Variants in EIF2AK3 observed in about 807,000 individuals in gnomAD.
EIF2AK3 encodes the protein eukaryotic translation initiation factor 2 alpha kinase 3.
A neutral mutation model predicts 113.5 loss-of-function variants in EIF2AK3; 50 were observed. The ratio of observed to expected loss-of-function variants is 0.44; its 90% CI spans 0.35 to 0.56. EIF2AK3 has a LOEUF of 0.56. Among genes scored for constraint, EIF2AK3 ranks in the 20% least tolerant of loss-of-function variants. The pLI is 0.00. For missense variants in EIF2AK3, 1,185 were observed against 1,378.0 expected, an observed-to-expected ratio of 0.86 and a Z score of 2.22; for synonymous variants, 448 against 495.4, an observed-to-expected ratio of 0.90 and a Z score of 1.27.
chr2:88,606,166 A>G (rs2104458234), intron 2 of EIF2AK3, among the ~76,000 whole-genome samples: 1 of 152,320 alleles, frequency 6.6e-6, no homozygotes, highest in East Asian at 1.9e-4. Context: ...CTCAAGGGAA[A>G]CTACCAGACT....
At chr2:88,577,052 C>T (rs531027464) in intron 11 of EIF2AK3, among the ~76,000 whole-genome samples, 5 of 151,366 alleles carry the variant, frequency 3.3e-5, no homozygotes, top group South Asian at 4.2e-4. Context: ...GGCGCAATCT[C>T]GGCTCTCTGC....
intron 14 of EIF2AK3, among the ~76,000 whole-genome samples, chr2:88,568,109 A>T (rs568131095): frequency 6.6e-6 from 1 of 152,220 alleles, no homozygotes; most frequent in Non-Finnish European, 1.5e-5. Flanking sequence ...CACTTGACTA[A>T]GGTAAACAAT....
chr2:88,627,452 T>G lies in EIF2AK3; in HGVS notation c.-178A>C. 4.2e-6 allele frequency: 3 copies of G among 711,042 alleles called. No individual in the cohort carries two copies. The highest frequency in any genetic ancestry group is 6.0e-6 in the Non-Finnish European group (3 of 498,774). The allele number at this position is 711,042 out of a possible 1,614,324, so 44.0% of individuals were successfully genotyped here. Reference sequence around the variant, plus strand: ...CAGCCCGGCCTCTGCCGCTGCCACCTGAGTGACAGCCTATCTCGGACATCG... The same window carrying G: ...CAGCCCGGCCTCTGCCGCTGCCACCGGAGTGACAGCCTATCTCGGACATCG... On this transcript the variant is annotated 5_prime_UTR_variant, in exon 1 of 17. Transcript: ENST00000303236.
chr2:88,613,294 T>A (rs1011614616), intron 2 of EIF2AK3, among the ~76,000 whole-genome samples: 3 of 152,216 alleles, frequency 2.0e-5, no homozygotes, highest in African/African-American at 7.2e-5. Flanking sequence ...AAATTTCAGA[T>A]GAATTCTGCT....
Position 88,572,300 on chromosome 2 carries a change from T to C in EIF2AK3, c.2818-1259A>G, listed in dbSNP as rs183448884. ...CTATAATAGACAAGCTTTTTGGCTC[T>C]CCAGTATCTATCTCCCTGTGCTTCC... On this transcript the variant is annotated intron_variant, in intron 13 of 16. Transcript: ENST00000303236. Among the ~76,000 whole-genome samples, 11 of 152,334 alleles carry C rather than the reference T, an allele frequency of 7.2e-5. No homozygotes were observed. In the East Asian group the frequency reaches 1.7e-3, roughly 24 times the overall value.
intron 13 of EIF2AK3, 134 bp from the exon 14 acceptor site, chr2:88,571,175 GC>G: frequency 9.0e-7 from 1 of 1,115,756 alleles, no homozygotes; most frequent in Non-Finnish European, 1.3e-6. Context: ...TTTAAAATGG[GC>G]TAACAGGAAA....
chr2:88,607,780 A>G (rs1675327658), intron 2 of EIF2AK3, among the ~76,000 whole-genome samples: 2 of 152,212 alleles, frequency 1.3e-5, no homozygotes, highest in Admixed American at 1.3e-4. Context: ...TTTGTTCTTT[A>G]TTTTCAGAAG....
At chr2:88,580,923 A>C (rs1057079481) in intron 10 of EIF2AK3, among the ~76,000 whole-genome samples, 1 of 152,148 alleles carries the variant, frequency 6.6e-6, no homozygotes, top group East Asian at 1.9e-4. Context: ...AGTCTCCCCA[A>C]ATGCAAAAGC....
intron 1 of EIF2AK3, among the ~76,000 whole-genome samples, chr2:88,614,186 T>C (rs911909199): frequency 6.6e-6 from 1 of 152,182 alleles, no homozygotes; most frequent in Non-Finnish European, 1.5e-5. Context: ...TCTTCCCTGA[T>C]CGTTCACTTA....
intron 3 of EIF2AK3, chr2:88,593,819 C>T (rs1674944029): frequency 2.3e-6 from 2 of 854,070 alleles, no homozygotes; most frequent in Non-Finnish European, 2.8e-6. Flanking sequence ...TTTCTGAGAG[C>T]TTTTTGTATT....
chr2:88,590,643 G>C (rs962623274), intron 5 of EIF2AK3, 38 bp from the exon 6 acceptor site: 1 of 1,604,386 alleles, frequency 6.2e-7, no homozygotes, highest in Non-Finnish European at 8.5e-7. Context: ...AATAATTCAA[G>C]CAGTAGTTAT....
At chr2:88,621,505 CAA>C (rs1190703564) in intron 1 of EIF2AK3, among the ~76,000 whole-genome samples, 2 of 152,192 alleles carry the variant, frequency 1.3e-5, no homozygotes, top group African/African-American at 4.8e-5. Flanking sequence ...CGTTATTTCA[CAA>C]AACTATAAAT....
intron 1 of EIF2AK3, among the ~76,000 whole-genome samples, chr2:88,625,216 C>T (rs1675828756): frequency 6.8e-6 from 1 of 147,900 alleles, no homozygotes; most frequent in Admixed American, 6.7e-5. Flanking sequence ...CGGCTCTAAC[C>T]TATTTTTTCT....
Position 88,590,986 on chromosome 2 carries a change from A to G in EIF2AK3, c.834T>C (p.Phe278=), listed in dbSNP as rs750500747. 6.2e-7 allele frequency: 1 copy of G among 1,614,152 alleles called. No homozygotes were observed. The highest frequency in any genetic ancestry group is 1.7e-5 in the Admixed American group (1 of 60,024). The change falls in exon 5 of 17, where the codon TTT becomes TTC. Residue 278 remains phenylalanine, a synonymous_variant. Coordinates refer to ENST00000303236, the MANE Select transcript of EIF2AK3 (RefSeq NM_004836.7). The part of the protein sequence containing the change: ...YIPDMETRAG[F]IESTFKPNEN... ...CATTGGGCTTAAAGGTGCTTTCAATAAATCCGGCTCTCGTTTCCATGTCTG... is the reference window on the plus strand; with the variant it reads ...CATTGGGCTTAAAGGTGCTTTCAATGAATCCGGCTCTCGTTTCCATGTCTG...
chr2:88,570,634 G>C (rs1674279438), intron 14 of EIF2AK3, among the ~76,000 whole-genome samples: 1 of 152,170 alleles, frequency 6.6e-6, no homozygotes, highest in Admixed American at 6.5e-5. Context: ...GCTGTCAGGT[G>C]CTTGTTCAGG....
chr2:88,562,466 CA>C, intron 14 of EIF2AK3, 76 bp from the exon 15 acceptor site: 1 of 1,221,328 alleles, frequency 8.2e-7, no homozygotes, highest in South Asian at 1.2e-5. Flanking sequence ...TATTGAATCC[CA>C]AAGTTTACTT....
At chr2:88,593,030 T>C (rs1377074421) in intron 4 of EIF2AK3, among the ~76,000 whole-genome samples, 1 of 151,994 alleles carries the variant, frequency 6.6e-6, no homozygotes, top group East Asian at 1.9e-4. Flanking sequence ...TAATCCCCGG[T>C]ACTCGGGAGG....
chr2:88,583,537 C>T lies in EIF2AK3; in HGVS notation c.1656G>A (p.Arg552=), dbSNP rs763975741. The T allele has an allele frequency of 2.5e-6, 4 of 1,611,990 alleles. No homozygotes were observed. The highest frequency in any genetic ancestry group is 2.5e-6 in the Non-Finnish European group (3 of 1,178,798). ...RLFHPHPHRQ[R]KESETQCQTE... is the part of the protein sequence containing the mutation. ...TTTGACACTGAGTTTCAGACTCCTT[C>T]CTTTGCTGATAAGGTGAAAAACAAA... is the stretch of plus-strand genomic sequence containing the variant. The change falls in exon 10 of 17, where the codon AGG becomes AGA. Residue 552 remains arginine (R), a synonymous_variant. Transcript: ENST00000303236.
chr2:88,598,099 A>C (rs375122298), intron 2 of EIF2AK3, among the ~76,000 whole-genome samples: 1 of 152,208 alleles, frequency 6.6e-6, no homozygotes, highest in South Asian at 2.1e-4. Flanking sequence ...ATCTGGGACA[A>C]TTAAGCACCA....
Sources: allele counts gnomAD v4.1 joint callset (sites outside exome capture counted in the v4.1 genomes callset), GRCh38; gene constraint gnomAD v4.1.1; transcripts MANE v1.5; gene names NCBI Gene and HGNC (gene_info 2026-07-23, HGNC 2026-07-21).